The following RBFOX1 variants were observed in gnomAD, a reference collection of about 807,000 sequenced individuals.
The protein encoded by RBFOX1 is RNA binding protein fox-1 homolog 1.
RBFOX1 carries 8 observed loss-of-function variants against 57.7 expected under a neutral mutation model. The observed-to-expected ratio is 0.14, with a 90% CI of 0.08 to 0.25. The LOEUF (loss-of-function observed/expected upper bound fraction) is 0.25, where lower values mean the gene tolerates loss of function less well. Ranked by LOEUF, RBFOX1 falls within the 10% of genes least tolerant of loss-of-function variation. RBFOX1 has a pLI of 1.00. For synonymous variants in RBFOX1, 326 were observed against 222.4 expected (o/e 1.47, Z -4.15); for missense variants, 611 against 548.5 (o/e 1.11, Z -1.14).
At chr16:6,354,488 C>T (rs1202341441) in intron 2 of RBFOX1, among the ~76,000 whole-genome samples, 1 of 152,084 alleles carries the variant, frequency 6.6e-6, no homozygotes, top group Non-Finnish European at 1.5e-5. Flanking sequence ...GGTTGATGTC[C>T]CTGACTGATA....
chr16:7,500,032 G>C (rs1399615185), intron 4 of RBFOX1, among the ~76,000 whole-genome samples: 1 of 152,020 alleles, frequency 6.6e-6, no homozygotes, highest in African/African-American at 2.4e-5. Context: ...TCTTCCTCAA[G>C]TCAGCCAGGC....
intron 3 of RBFOX1, among the ~76,000 whole-genome samples, chr16:6,870,261 T>C (rs1458187479): frequency 6.6e-6 from 1 of 152,112 alleles, no homozygotes; most frequent in African/African-American, 2.4e-5. Context: ...GGAGAGAGCA[T>C]TCCCTTTGGT....
intron 2 of RBFOX1, among the ~76,000 whole-genome samples, chr16:6,526,080 C>T (rs1395244398): frequency 6.6e-6 from 1 of 152,092 alleles, no homozygotes; most frequent in Non-Finnish European, 1.5e-5. Context: ...GGTTTTCATT[C>T]CTTGGATGTG....
intron 4 of RBFOX1, among the ~76,000 whole-genome samples, chr16:6,004,172 A>G (rs1490016231): frequency 6.6e-6 from 1 of 152,218 alleles, no homozygotes; most frequent in Non-Finnish European, 1.5e-5. Context: ...CGTCTTACAC[A>G]TGTATCCTGA....
chr16:6,987,217 A>G (rs946521093), intron 3 of RBFOX1, among the ~76,000 whole-genome samples: 1 of 152,292 alleles, frequency 6.6e-6, no homozygotes, highest in South Asian at 2.1e-4. Flanking sequence ...AATAACAAGA[A>G]TGAAAACTTT....
chr16:7,001,547 C>A (rs1442759319), intron 3 of RBFOX1, among the ~76,000 whole-genome samples: 1 of 152,112 alleles, frequency 6.6e-6, no homozygotes, highest in Non-Finnish European at 1.5e-5. Context: ...ACCTCCGCCT[C>A]CCGGGTTCAA....
chr16:5,532,282 CTT>C (rs895401167), intron 2 of RBFOX1, among the ~76,000 whole-genome samples: 3 of 152,314 alleles, frequency 2.0e-5, no homozygotes, highest in Admixed American at 6.5e-5. Context: ...GACAAGCAGA[CTT>C]TGCCAAACAT....
chr16:6,807,910 G>A (rs1016240386), intron 3 of RBFOX1, among the ~76,000 whole-genome samples: 4 of 146,604 alleles, frequency 2.7e-5, no homozygotes, highest in African/African-American at 1.1e-4. Context: ...GTGTGTGTGT[G>A]TGTGTATATA....
chr16:5,964,530 T>C (rs955700576), intron 4 of RBFOX1, among the ~76,000 whole-genome samples: 2 of 152,188 alleles, frequency 1.3e-5, no homozygotes, highest in East Asian at 1.9e-4. Context: ...AAATGTGAGA[T>C]ACTTGTATAC....
intron 4 of RBFOX1, among the ~76,000 whole-genome samples, chr16:5,904,289 T>G (rs985221362): frequency 3.9e-5 from 6 of 152,236 alleles, no homozygotes; most frequent in African/African-American, 1.4e-4. Flanking sequence ...GCATGCCACT[T>G]TACCTTGTAA....
chr16:7,620,527 C>G (rs1392024297), intron 10 of RBFOX1, among the ~76,000 whole-genome samples: 1 of 152,098 alleles, frequency 6.6e-6, no homozygotes, highest in Non-Finnish European at 1.5e-5. Context: ...TACATTCTGC[C>G]CAAAGGCTTC....
chr16:5,383,594 G>A (rs912128818), intron 1 of RBFOX1, among the ~76,000 whole-genome samples: 6 of 152,236 alleles, frequency 3.9e-5, no homozygotes, highest in Admixed American at 6.5e-5. Context: ...GGGTAGGAAT[G>A]CATAGTAAGT....
intron 14 of RBFOX1, among the ~76,000 whole-genome samples, chr16:7,702,055 T>TTGAA (rs2080911920): frequency 6.6e-6 from 1 of 152,180 alleles, no homozygotes; most frequent in Admixed American, 6.5e-5. Flanking sequence ...TGTCCTTTCC[T>TTGAA]TGAATGGCTC....
intron 4 of RBFOX1, among the ~76,000 whole-genome samples, chr16:7,139,810 T>C (rs1300872532): frequency 6.6e-6 from 1 of 152,096 alleles, no homozygotes; most frequent in East Asian, 1.9e-4. Flanking sequence ...TTTTAGTTGC[T>C]GTGGACAGAA....
intron 2 of RBFOX1, among the ~76,000 whole-genome samples, chr16:6,540,118 T>A (rs7186335): frequency 0.45 from 68,373 of 151,904 alleles, 15,760 homozygotes; most frequent in Non-Finnish European, 0.5. Flanking sequence ...GAAGAACCCA[T>A]GTTTTTAGCA....
At chr16:6,494,765 TCAATGCCAGTTGCGTA>T (rs2095718500) in intron 2 of RBFOX1, among the ~76,000 whole-genome samples, 1 of 152,192 alleles carries the variant, frequency 6.6e-6, no homozygotes, top group African/African-American at 2.4e-5. Context: ...CCATTGGAAG[TCAATGCCAGTTGCGTA>T]CAAACTGATA....
chr16:6,815,949 C>G (rs149307814), intron 3 of RBFOX1, among the ~76,000 whole-genome samples: 3 of 152,152 alleles, frequency 2.0e-5, no homozygotes, highest in Non-Finnish European at 4.4e-5. Context: ...ACTTGAAGAT[C>G]TTTAAGAGTA....
chr16:6,917,348 A>G (rs562448314), intron 3 of RBFOX1, among the ~76,000 whole-genome samples: 2 of 152,350 alleles, frequency 1.3e-5, no homozygotes, highest in East Asian at 3.9e-4. Flanking sequence ...TGAAATCAGT[A>G]TATGGGATTG....
intron 3 of RBFOX1, among the ~76,000 whole-genome samples, chr16:6,908,034 CT>C (rs2153426237): frequency 6.6e-6 from 1 of 151,842 alleles, no homozygotes; most frequent in East Asian, 1.9e-4. Context: ...GGATTAGGGC[CT>C]ATCCAAATCA....
Sources: allele counts gnomAD v4.1 joint callset (sites outside exome capture counted in the v4.1 genomes callset), GRCh38; gene constraint gnomAD v4.1.1; transcripts MANE v1.5; gene names NCBI Gene and HGNC (gene_info 2026-07-23, HGNC 2026-07-21).